The following EDIL3 variants were observed in gnomAD, a reference collection of about 807,000 sequenced individuals.
EDIL3 encodes EGF-like repeat and discoidin I-like domain-containing protein 3.
In EDIL3, 37 loss-of-function variants were observed where a neutral mutation model predicts 67.4. The ratio of observed to expected loss-of-function variants is 0.55; its 90% CI spans 0.42 to 0.72. The LOEUF is 0.72. Ranked by LOEUF, EDIL3 falls within the 30% of genes least tolerant of loss-of-function variation. The probability of loss-of-function intolerance (pLI) is 0.00; values close to 1 mark genes in which losing one functional copy is unlikely to be tolerated. For missense variants in EDIL3, 527 were observed against 586.3 expected (o/e 0.90, Z 1.04); for synonymous variants, 195 against 196.3 (o/e 0.99, Z 0.05).
chr5:84,254,274 T>C lies in EDIL3; in HGVS notation c.68-62A>G, dbSNP rs1745087510. 2.6e-6 allele frequency: 4 copies of C among 1,529,270 alleles called. No homozygotes were observed. In the South Asian group the frequency reaches 5.2e-5, roughly 20 times the overall value. 94.7% of individuals were successfully genotyped at this position (1,529,270 alleles called of 1,614,324 possible). On this transcript the variant is annotated intron_variant, in intron 1 of 10. Transcript: ENST00000296591. ...TTTTGTCTTGGACATTGAAACATACTAGTTTACTTTGCTATGGATGTTCCC... is the reference window on the plus strand; with the variant it reads ...TTTTGTCTTGGACATTGAAACATACCAGTTTACTTTGCTATGGATGTTCCC...
chr5:84,122,058 CTACCTTGCAATGCA>C (rs1747785467), intron 5 of EDIL3, among the ~76,000 whole-genome samples: 1 of 151,992 alleles, frequency 6.6e-6, no homozygotes, highest in Non-Finnish European at 1.5e-5. Flanking sequence ...GGATGGTTCT[CTACCTTGCAATGCA>C]AACTCTTGCA....
intron 5 of EDIL3, among the ~76,000 whole-genome samples, chr5:84,127,566 A>G (rs1435655786): frequency 1.3e-5 from 2 of 152,196 alleles, no homozygotes; most frequent in East Asian, 3.9e-4. Flanking sequence ...ATTCTTCTCT[A>G]CAGACACACA....
intron 1 of EDIL3, among the ~76,000 whole-genome samples, chr5:84,301,947 G>C (rs1746172193): frequency 6.6e-6 from 1 of 152,056 alleles, no homozygotes; most frequent in South Asian, 2.1e-4. Flanking sequence ...AGTCCTGTGG[G>C]ACACAGGAAC....
intron 6 of EDIL3, among the ~76,000 whole-genome samples, chr5:84,099,820 C>T (rs897546721): frequency 6.6e-6 from 1 of 151,918 alleles, no homozygotes; most frequent in Non-Finnish European, 1.5e-5. Context: ...AACATTTTTG[C>T]AATCTATCCA....
chr5:84,193,468 T>A (rs1486817703), intron 3 of EDIL3, among the ~76,000 whole-genome samples: 1 of 151,902 alleles, frequency 6.6e-6, no homozygotes, highest in African/African-American at 2.4e-5. Flanking sequence ...GATATATTAT[T>A]CAAAAAGAGG....
chr5:84,091,189 T>G (rs1366843073), intron 6 of EDIL3, among the ~76,000 whole-genome samples: 2 of 152,156 alleles, frequency 1.3e-5, no homozygotes, highest in Non-Finnish European at 2.9e-5. Context: ...TTCAACTTAC[T>G]AAGTTTAGTA....
At chr5:84,358,218 C>T (rs747939598) in intron 1 of EDIL3, among the ~76,000 whole-genome samples, 17 of 152,136 alleles carry the variant, frequency 1.1e-4, no homozygotes, top group Non-Finnish European at 2.1e-4. Context: ...AATGCATCTT[C>T]TCCTTTCCTT....
chr5:83,980,613 G>T (rs1744953789), intron 9 of EDIL3, among the ~76,000 whole-genome samples: 1 of 150,452 alleles, frequency 6.6e-6, no homozygotes, highest in Non-Finnish European at 1.5e-5. Context: ...GCTTGAACCT[G>T]GGAGGCGGAG....
intron 9 of EDIL3, among the ~76,000 whole-genome samples, chr5:83,963,872 T>TA (rs1744647072): frequency 6.6e-6 from 1 of 151,862 alleles, no homozygotes. Context: ...CCTGTTTCCA[T>TA]AAATTTTAAT....
At chr5:83,981,713 A>G (rs1317931640) in intron 9 of EDIL3, among the ~76,000 whole-genome samples, 1 of 152,102 alleles carries the variant, frequency 6.6e-6, no homozygotes, top group African/African-American at 2.4e-5. Context: ...GGTCAAGCAG[A>G]AACTAATAAC....
rs532189072 is a variant in EDIL3, at chr5:84,142,339, T to C, written c.356-4985A>G. Among the ~76,000 whole-genome samples the C allele has an allele frequency of 3.9e-5, 6 of 152,130 alleles. 1 individual carries two copies. In the South Asian group the frequency reaches 6.2e-4, roughly 16 times the overall value. On this transcript the variant is annotated intron_variant, in intron 4 of 10. Transcript: ENST00000296591. ...ACAGATTCCGCTAGTTGGCCAGAGATGAAACAGAGAATTCTTGAGTCTAAT... is the reference window on the plus strand; with the variant it reads ...ACAGATTCCGCTAGTTGGCCAGAGACGAAACAGAGAATTCTTGAGTCTAAT...
At chr5:84,020,542 G>A (rs194124) in intron 9 of EDIL3, among the ~76,000 whole-genome samples, 86,532 of 151,536 alleles carry the variant, frequency 0.57, 26,676 homozygotes, top group Non-Finnish European at 0.68. Context: ...AACTTTCAGG[G>A]GAATAATTTT....
chr5:84,171,381 A>G (rs1748808518), intron 4 of EDIL3, among the ~76,000 whole-genome samples: 2 of 152,210 alleles, frequency 1.3e-5, no homozygotes, highest in African/African-American at 4.8e-5. Flanking sequence ...TATGTCTGCC[A>G]TGACAGTGGT....
intron 1 of EDIL3, among the ~76,000 whole-genome samples, chr5:84,334,191 A>G (rs1300966495): frequency 6.6e-6 from 1 of 151,078 alleles, no homozygotes; most frequent in Non-Finnish European, 1.5e-5. Context: ...CCTCCTGCGT[A>G]GCTGAGATTA....
At chr5:83,991,856 G>A (rs1745156751) in intron 9 of EDIL3, among the ~76,000 whole-genome samples, 1 of 152,058 alleles carries the variant, frequency 6.6e-6, no homozygotes, top group African/African-American at 2.4e-5. Context: ...AGCTCCCCTG[G>A]CAGAATGTGA....
At chr5:83,984,185 G>A (rs768826166) in intron 9 of EDIL3, among the ~76,000 whole-genome samples, 4 of 151,948 alleles carry the variant, frequency 2.6e-5, no homozygotes, top group Non-Finnish European at 5.9e-5. Context: ...GAGATGCTAC[G>A]GAAAGTTGCA....
At chr5:84,208,536 G>A (rs1333743285) in intron 3 of EDIL3, among the ~76,000 whole-genome samples, 60 of 151,188 alleles carry the variant, frequency 4.0e-4, no homozygotes, top group Non-Finnish European at 6.0e-4. Flanking sequence ...AAAATTAGCC[G>A]GGCGCGGTGG....
intron 1 of EDIL3, among the ~76,000 whole-genome samples, chr5:84,345,668 T>C (rs576640883): frequency 6.6e-6 from 1 of 152,206 alleles, no homozygotes; most frequent in Non-Finnish European, 1.5e-5. Flanking sequence ...CCATTTTTAA[T>C]TTATATGAAT....
chr5:83,962,669 A>G (rs765959304), intron 10 of EDIL3, among the ~76,000 whole-genome samples: 13 of 151,172 alleles, frequency 8.6e-5, no homozygotes, highest in Non-Finnish European at 1.8e-4. Context: ...GAAACGGAGC[A>G]GAAAAACATC....
Sources: gnomAD v4.1 joint callset for allele counts (sites outside exome capture counted in the v4.1 genomes callset) on GRCh38, gnomAD v4.1.1 for gene constraint, MANE v1.5 for transcripts, NCBI Gene and HGNC (gene_info 2026-07-23, HGNC 2026-07-21) for gene names.